Variants in DFFB observed in about 807,000 individuals in gnomAD.
DFFB encodes the protein DNA fragmentation factor subunit beta.
Under a neutral mutation model 32.7 loss-of-function variants are expected in DFFB, and 29 were observed. The observed-to-expected ratio is 0.89, with a 90% CI of 0.66 to 1.21. The LOEUF is 1.21. DFFB is among the 50% of genes most tolerant of loss of function. The pLI is 0.00. For missense variants in DFFB, 398 were observed against 440.6 expected (o/e 0.90, Z 0.87); for synonymous variants, 170 against 177.1 (o/e 0.96, Z 0.32).
intron 2 of DFFB, among the ~76,000 whole-genome samples, chr1:3,861,118 C>T (rs370404900): frequency 1.4e-5 from 2 of 145,860 alleles, no homozygotes; most frequent in African/African-American, 5.1e-5. Flanking sequence ...TGTGCCATTG[C>T]ACTCTAGCCT....
chr1:3,883,025 T>G (rs1045435280), intron 6 of DFFB, among the ~76,000 whole-genome samples: 3 of 148,900 alleles, frequency 2.0e-5, no homozygotes, highest in Non-Finnish European at 4.5e-5. Context: ...TTTTTTGAGA[T>G]GGTGTTTTGC....
chr1:3,872,676 C>G, intron 6 of DFFB, 104 bp downstream of exon 6: 1 of 1,027,254 alleles, frequency 9.7e-7, no homozygotes, highest in Non-Finnish European at 1.5e-6. Flanking sequence ...GGCCCTGTCC[C>G]TGCCACGGTG....
intron 3 of DFFB, 24 bp from the exon 4 acceptor site, chr1:3,867,950 G>A (rs910936059): frequency 6.8e-6 from 11 of 1,612,934 alleles, no homozygotes; most frequent in Non-Finnish European, 7.6e-6. Flanking sequence ...TGTGGACTTG[G>A]GGGTCTTCTC....
At chr1:3,869,248 A>G (rs150409154) in intron 4 of DFFB, among the ~76,000 whole-genome samples, 1 of 152,226 alleles carries the variant, frequency 6.6e-6, no homozygotes, top group African/African-American at 2.4e-5. Context: ...TCTAGTAGAA[A>G]TGGGGTTTCA....
At chr1:3,874,417 G>A (rs1471444005) in intron 6 of DFFB, among the ~76,000 whole-genome samples, 1 of 41,866 alleles carries the variant, frequency 2.4e-5, no homozygotes, top group Non-Finnish European at 4.6e-5. Flanking sequence ...GGCCTCCCAC[G>A]CTGTGGTCTG....
chr1:3,870,020 G>A (rs893109913), intron 5 of DFFB, among the ~76,000 whole-genome samples: 1 of 152,234 alleles, frequency 6.6e-6, no homozygotes, highest in Non-Finnish European at 1.5e-5. Context: ...GGCTTGTCTC[G>A]GTAGTGCTGG....
intron 6 of DFFB, among the ~76,000 whole-genome samples, chr1:3,880,273 C>T (rs1645309298): frequency 6.6e-6 from 1 of 152,186 alleles, no homozygotes; most frequent in Non-Finnish European, 1.5e-5. Flanking sequence ...TAGGGCTGGC[C>T]ATGACCCCAC....
At position 3,868,613 on chromosome 1, in the gene DFFB, G is replaced by A. The variant is rs74205640; in HGVS notation, c.510+560G>A. Among the ~76,000 whole-genome samples the A allele has an allele frequency of 3.3e-3, 164 of 50,290 alleles. 2 individuals carry two copies. The highest frequency in any genetic ancestry group is 0.015 in the South Asian group (23 of 1,544). The allele number at this position is 50,290 out of a possible 152,430, so 33.0% of individuals were successfully genotyped here. On this transcript the variant is annotated intron_variant, in intron 4 of 6. Coordinates refer to ENST00000378209, the MANE Select transcript of DFFB (RefSeq NM_004402.4). ...CGCTACACCATACCACACCATACCA[G>A]ACCACACCACACCAGGCCACACCAC...
At chr1:3,870,812 C>G (rs568808458) in intron 5 of DFFB, among the ~76,000 whole-genome samples, 1 of 152,062 alleles carries the variant, frequency 6.6e-6, no homozygotes, top group East Asian at 1.9e-4. Flanking sequence ...ACCAGGTGCT[C>G]CGGGCATGGC....
In DFFB at chr1:3,877,657, C is replaced by T. The variant is rs76322668; in HGVS notation, c.782+5085C>T. Reference sequence around the variant, plus strand: ...AGTTGTTTTGAGACTGAATGATTTACATTATGATTTTGTTTTTGATCCATG... The same window carrying T: ...AGTTGTTTTGAGACTGAATGATTTATATTATGATTTTGTTTTTGATCCATG... On this transcript the variant is annotated intron_variant, in intron 6 of 6. Coordinates refer to ENST00000378209, the MANE Select transcript of DFFB (RefSeq NM_004402.4). Among the ~76,000 whole-genome samples, 450 of 152,220 alleles carry T rather than the reference C, an allele frequency of 3.0e-3. 1 individual carries two copies. Among genetic ancestry groups the T allele is most frequent in the Admixed American group, 6.1e-3 (93 of 15,290 alleles).
In DFFB at chr1:3,865,778, G is replaced by T; in HGVS notation, c.242-34G>T. The T allele has an allele frequency of 6.2e-7, 1 of 1,614,080 alleles. No homozygotes were observed. The highest frequency in any genetic ancestry group is 1.3e-5 in the African/African-American group (1 of 75,030). On this transcript the variant is annotated intron_variant, in intron 2 of 6. Transcript: ENST00000378209. The surrounding 1 kb of genome is among the most constrained non-coding windows in gnomAD (Gnocchi z 4.7). ...CCGGGGCAGGATGTGTCTTCTGCTG[G>T]ACCGGCACCTTTTGTTTGTCCCATT...
chr1:3,867,910 G>A (rs1010089955), intron 3 of DFFB, 64 bp from the exon 4 acceptor site: 2 of 1,493,972 alleles, frequency 1.3e-6, no homozygotes, highest in African/African-American at 2.8e-5. Context: ...GGCTGGGCAG[G>A]ACACAGACCC....
intron 6 of DFFB, among the ~76,000 whole-genome samples, chr1:3,876,623 A>C (rs1254357907): frequency 6.6e-6 from 1 of 152,226 alleles, no homozygotes; most frequent in African/African-American, 2.4e-5. Context: ...ACAATGAAAT[A>C]AAATGCATGC....
At chr1:3,876,108 G>C (rs1041365630) in intron 6 of DFFB, among the ~76,000 whole-genome samples, 2 of 152,150 alleles carry the variant, frequency 1.3e-5, no homozygotes, top group African/African-American at 4.8e-5. Context: ...AATGTGCTCA[G>C]ATGTTCCCTT....
chr1:3,872,427 A>G (rs1557720786), intron 5 of DFFB, 45 bp from the exon 6 acceptor site: 3 of 1,431,856 alleles, frequency 2.1e-6, no homozygotes, highest in Admixed American at 3.9e-5. Flanking sequence ...AAAAAAAAAA[A>G]GAGACTCACT....
chr1:3,874,616 G>A (rs1253787766), intron 6 of DFFB, among the ~76,000 whole-genome samples: 12 of 115,064 alleles, frequency 1.0e-4, no homozygotes, highest in Admixed American at 4.1e-4. Flanking sequence ...TACCACACGC[G>A]TGTGGGTTTA....
At position 3,865,306 on chromosome 1, in the gene DFFB, C is replaced by T. The variant is rs762842515; in HGVS notation, c.242-506C>T. 1.3e-5 allele frequency among the ~76,000 whole-genome samples: 2 copies of T among 152,076 alleles called. No individual in the cohort carries two copies. Among genetic ancestry groups the T allele is most frequent in the African/African-American group, 2.4e-5 (1 of 41,394 alleles). The stretch of plus-strand genomic sequence containing the variant: ...AACCAGCCTTGCGTTCCCACTTGGC[C>T]GTGGTGATATTTCTTTGTGCATGTT... On this transcript the variant is annotated intron_variant, in intron 2 of 6. Transcript: ENST00000378209. This position sits in a 1 kb window ranked among gnomAD's most constrained non-coding sequence, Gnocchi z 4.7.
intron 5 of DFFB, among the ~76,000 whole-genome samples, chr1:3,871,266 T>A (rs1336093870): frequency 2.0e-5 from 3 of 151,792 alleles, no homozygotes; most frequent in Admixed American, 6.5e-5. Flanking sequence ...AAAAGAAGGA[T>A]CTGATTCCAA....
rs1390925818 is a variant in DFFB at position 3,884,950 on chromosome 1, C to G, written c.*1209C>G. On this transcript the variant is annotated 3_prime_UTR_variant, in exon 7 of 7. Transcript: ENST00000378209. ...AGCTATCACGTTGAACCACGTGAAA[C>G]TGCTGTTTTCTAGGCCAAAAATGGT... 6.6e-6 allele frequency: 1 copy of G among 152,236 alleles called. No individual in the cohort carries two copies. The highest frequency in any genetic ancestry group is 2.4e-5 in the African/African-American group (1 of 41,458). The allele number at this position is 152,236 out of a possible 1,614,324, so 9.4% of individuals were successfully genotyped here.
Sources: gnomAD v4.1 joint callset for allele counts (sites outside exome capture counted in the v4.1 genomes callset) on GRCh38, gnomAD v4.1.1 for gene constraint, Gnocchi (gnomAD v3.1) non-coding constraint, MANE v1.5 for transcripts, NCBI Gene and HGNC (gene_info 2026-07-23, HGNC 2026-07-21) for gene names.